The following LRRK1 variants were observed in gnomAD, a reference collection of about 807,000 sequenced individuals.
LRRK1 encodes the protein leucine-rich repeat serine/threonine-protein kinase 1.
Under a neutral mutation model 209.1 loss-of-function variants are expected in LRRK1, and 113 were observed. The observed-to-expected ratio is 0.54, with a 90% confidence interval of 0.46 to 0.63. LRRK1 has a LOEUF of 0.63. Ranked by LOEUF, LRRK1 falls within the 30% of genes least tolerant of loss-of-function variation. The pLI, the probability that LRRK1 is intolerant of heterozygous loss-of-function variation, is 0.00. For synonymous variants in LRRK1, 1,144 were observed against 1,099.7 expected (o/e 1.04, Z -0.80); for missense variants, 2,284 against 2,632.2 (o/e 0.87, Z 2.89).
rs757272927 is a variant in LRRK1, at chr15:101,024,901, G to A, written c.2166G>A (p.Val722=). 1.2e-6 allele frequency: 2 copies of A among 1,614,164 alleles called. No homozygotes were observed. Among genetic ancestry groups the A allele is most frequent in the South Asian group, 2.2e-5 (2 of 91,090 alleles). Residue 722 remains valine, a synonymous_variant, in exon 16 of 34, where the codon GTG becomes GTA. Transcript: ENST00000388948. The surrounding 1 kb of genome is among the most constrained non-coding windows in gnomAD (Gnocchi z 4.6). ...CFFTDKALYV[V]VWNLALGEEA... The stretch of plus-strand genomic sequence containing the variant: ...TCACGGACAAGGCCCTGTACGTGGT[G>A]GTCTGGAACCTGGCGCTGGGGGAGG...
At chr15:101,060,994 C>T (rs1255540301) in intron 29 of LRRK1, among the ~76,000 whole-genome samples, 177 bp from the exon 30 acceptor site, 4 of 152,200 alleles carry the variant, frequency 2.6e-5, no homozygotes, top group Non-Finnish European at 4.4e-5. Context: ...TTCCTGCGGG[C>T]GACGGTCAAG....
intron 4 of LRRK1, among the ~76,000 whole-genome samples, chr15:100,987,226 G>A (rs1596239859): frequency 6.6e-6 from 1 of 152,258 alleles, no homozygotes; most frequent in East Asian, 1.9e-4. Context: ...CCGGTTTCCT[G>A]ATCAATGTCC....
rs1567191331 is a variant in LRRK1 at position 100,941,480 on chromosome 15, G to GTGTCTGTGTGTGTCTATGTC, written c.97+16754_97+16755insCTGTGTGTGTCTATGTCTGT. Among the ~76,000 whole-genome samples, 45 of 81,184 alleles carry GTGTCTGTGTGTGTCTATGTC rather than the reference G, an allele frequency of 5.5e-4. 1 individual carries two copies. The East Asian group carries it at 0.014, about 26-fold the overall frequency. The allele number at this position is 81,184 out of a possible 152,430, so 53.3% of individuals were successfully genotyped here. ...TCTATGTCTCTGTGTGTGTGTGTGT[G>GTGTCTGTGTGTGTCTATGTC]TGTGTGTGTGTGTGTGTGTGTGTAA... is the stretch of plus-strand genomic sequence containing the variant. On this transcript the variant is annotated intron_variant, in intron 2 of 33. Transcript: ENST00000388948.
chr15:100,986,944 TC>T (rs1483743354), intron 4 of LRRK1, among the ~76,000 whole-genome samples: 4 of 152,196 alleles, frequency 2.6e-5, no homozygotes, highest in African/African-American at 9.7e-5. Flanking sequence ...GGTTTCCTCA[TC>T]TTAAAATCAT....
intron 2 of LRRK1, among the ~76,000 whole-genome samples, chr15:100,954,726 TC>T (rs1158369561): frequency 1.3e-5 from 2 of 152,260 alleles, no homozygotes; most frequent in South Asian, 2.1e-4. Flanking sequence ...CCAGTTTTTT[TC>T]GACACTATTT....
chr15:100,988,513 G>A (rs1200116887), intron 4 of LRRK1, 121 bp from the exon 5 acceptor site: 2 of 890,648 alleles, frequency 2.2e-6, no homozygotes, highest in Non-Finnish European at 3.7e-6. Flanking sequence ...ATTCCATGGT[G>A]CAAATGTACC....
chr15:100,978,304 G>C (rs2031409661), intron 3 of LRRK1, among the ~76,000 whole-genome samples: 1 of 152,194 alleles, frequency 6.6e-6, no homozygotes, highest in African/African-American at 2.4e-5. Context: ...CGGGAGACTA[G>C]ACAGAAGGCA....
chr15:100,962,804 T>TACATATATATATATACACAC (rs1252133441), intron 2 of LRRK1, among the ~76,000 whole-genome samples: 2 of 37,188 alleles, frequency 5.4e-5, no homozygotes, highest in Non-Finnish European at 1.1e-4. Flanking sequence ...CATATATATA[T>TACATATATATATATACACAC]ATATATATAT....
chr15:101,066,502 C>A, intron 32 of LRRK1, 138 bp from the exon 33 acceptor site: 1 of 838,708 alleles, frequency 1.2e-6, no homozygotes, highest in Non-Finnish European at 2.0e-6. Context: ...GAAGTCTGTC[C>A]CCTCCCCATA....
chr15:100,956,461 T>C (rs7176823), intron 2 of LRRK1, among the ~76,000 whole-genome samples: 8 of 5,164 alleles, frequency 1.5e-3, no homozygotes, highest in African/African-American at 2.6e-3. Flanking sequence ...TTTTCTTTTT[T>C]TTTTTTTTTT....
At position 101,027,318 on chromosome 15, in the gene LRRK1, C is replaced by A; in HGVS notation, c.2463C>A (p.His821Gln). The part of the protein sequence containing the change: ...GQEGLRQLIF[H>Q]VTCSMKDVGS... ...AAGGGCTGCGACAGCTGATTTTCCA[C>A]GTCACGTGCAGCATGAAGGACGTGG... is the stretch of plus-strand genomic sequence containing the variant. The change falls in exon 18 of 34, where the codon CAC becomes CAA. Residue 821 changes from histidine to glutamine, a missense_variant. Coordinates refer to ENST00000388948, the MANE Select transcript of LRRK1 (RefSeq NM_024652.6). This position sits in a 1 kb window ranked among gnomAD's most constrained non-coding sequence, Gnocchi z 5.1. The A allele has an allele frequency of 6.2e-7, 1 of 1,614,116 alleles. No homozygotes were observed. The highest frequency in any genetic ancestry group is 1.3e-5 in the African/African-American group (1 of 75,046).
chr15:100,989,540 T>C, intron 6 of LRRK1, 142 bp downstream of exon 6: 1 of 818,222 alleles, frequency 1.2e-6, no homozygotes, highest in Non-Finnish European at 1.9e-6. Flanking sequence ...AGCATAGTGC[T>C]GGTATCTGGT....
At chr15:101,045,457 C>T (rs747593227) in intron 20 of LRRK1, among the ~76,000 whole-genome samples, 9 of 152,176 alleles carry the variant, frequency 5.9e-5, no homozygotes, top group African/African-American at 1.2e-4. Flanking sequence ...ATCCCTCTTC[C>T]GCACAAAACA....
chr15:101,037,692 A>G (rs1025392317), intron 20 of LRRK1, among the ~76,000 whole-genome samples: 7 of 152,070 alleles, frequency 4.6e-5, no homozygotes, highest in African/African-American at 1.7e-4. Flanking sequence ...CCTATGCCTC[A>G]CTCACACCTC....
intron 2 of LRRK1, among the ~76,000 whole-genome samples, chr15:100,949,851 G>C (rs2042610464): frequency 6.6e-6 from 1 of 151,792 alleles, no homozygotes; most frequent in South Asian, 2.1e-4. Flanking sequence ...GTAATAGAAG[G>C]AAACTTCCTC....
intron 1 of LRRK1, among the ~76,000 whole-genome samples, chr15:100,922,992 G>A (rs544259068): frequency 5.3e-5 from 8 of 152,172 alleles, no homozygotes; most frequent in Non-Finnish European, 8.8e-5. Flanking sequence ...ACCTTACTTC[G>A]TGCCCCTACT....
At chr15:100,956,754 T>C (rs1454549976) in intron 2 of LRRK1, among the ~76,000 whole-genome samples, 3 of 152,256 alleles carry the variant, frequency 2.0e-5, no homozygotes, top group East Asian at 3.9e-4. Flanking sequence ...TGAGCCACCA[T>C]GACCAGCCTG....
At chr15:100,947,341 A>C (rs1031114377) in intron 2 of LRRK1, among the ~76,000 whole-genome samples, 3 of 152,228 alleles carry the variant, frequency 2.0e-5, no homozygotes, top group African/African-American at 7.2e-5. Context: ...ATAAACATAG[A>C]AAATACACTG....
chr15:100,935,411 G>A (rs2042283483), intron 2 of LRRK1, among the ~76,000 whole-genome samples: 1 of 152,230 alleles, frequency 6.6e-6, no homozygotes, highest in Non-Finnish European at 1.5e-5. Flanking sequence ...GCGGGAATGA[G>A]CTCGGTAGGT....
Sources: allele counts gnomAD v4.1 joint callset (sites outside exome capture counted in the v4.1 genomes callset), GRCh38; gene constraint gnomAD v4.1.1; non-coding constraint Gnocchi (gnomAD v3.1); transcripts MANE v1.5; gene names NCBI Gene and HGNC (gene_info 2026-07-23, HGNC 2026-07-21).